Variants in IQSEC1 observed in about 807,000 individuals in gnomAD.
IQSEC1 encodes IQ motif and Sec7 domain ArfGEF 1.
IQSEC1 carries 31 observed loss-of-function variants against 91.0 expected under a neutral mutation model. The observed-to-expected ratio is 0.34, with a 90% CI of 0.26 to 0.46. The LOEUF (loss-of-function observed/expected upper bound fraction) is 0.46, where lower values mean the gene tolerates loss of function less well. IQSEC1 is among the 20% of genes least tolerant of loss of function. The probability of loss-of-function intolerance (pLI) is 1.00; values close to 1 mark genes in which losing one functional copy is unlikely to be tolerated. For missense variants in IQSEC1, 1,388 were observed against 1,575.6 expected, an observed-to-expected ratio of 0.88 and a Z score of 2.02; for synonymous variants, 699 against 662.6, an observed-to-expected ratio of 1.05 and a Z score of -0.84.
At chr3:12,907,872 G>A (rs1046278539) in intron 12 of IQSEC1, among the ~76,000 whole-genome samples, 20 of 152,220 alleles carry the variant, frequency 1.3e-4, no homozygotes, top group African/African-American at 4.8e-5. Flanking sequence ...GACGAGGCCC[G>A]GGTTTCCCAG....
chr3:13,223,979 A>T (rs1694706952), intron 1 of IQSEC1, among the ~76,000 whole-genome samples: 1 of 152,082 alleles, frequency 6.6e-6, no homozygotes, highest in African/African-American at 2.4e-5. Flanking sequence ...GCTCTGAGCC[A>T]GGGGGTTGGG....
At chr3:12,927,229 C>T (rs969659723) in intron 3 of IQSEC1, among the ~76,000 whole-genome samples, 4 of 152,190 alleles carry the variant, frequency 2.6e-5, no homozygotes, top group South Asian at 2.1e-4. Flanking sequence ...AATTCTAGTT[C>T]GTTGCCAGTA....
chr3:13,094,685 G>A (rs1183740992), intron 2 of IQSEC1, among the ~76,000 whole-genome samples: 1 of 152,122 alleles, frequency 6.6e-6, no homozygotes, highest in Non-Finnish European at 1.5e-5. Flanking sequence ...AGTATGGCCT[G>A]TTCCTGGCCA....
chr3:13,092,205 G>A (rs1050877669), intron 2 of IQSEC1, among the ~76,000 whole-genome samples: 1 of 152,216 alleles, frequency 6.6e-6, no homozygotes, highest in Non-Finnish European at 1.5e-5. Flanking sequence ...AGGAGAAGAA[G>A]ACCTTGTGAG....
In IQSEC1 at chr3:13,025,726, C is replaced by T. The variant is rs550218211; in HGVS notation, c.23+47266G>A. On this transcript the variant is annotated intron_variant, in intron 1 of 13. Transcript: ENST00000613206. ...AAATGGGCACACTATACTCGACTCC[C>T]GCCTGGGGAACTGCAGGTGACAGTA... 1.5e-4 allele frequency among the ~76,000 whole-genome samples: 23 copies of T among 152,322 alleles called. No homozygotes were observed. In the South Asian group the frequency reaches 4.1e-3, roughly 27 times the overall value.
Position 12,897,680 on chromosome 3 carries a change from AAGG to A in IQSEC1, c.*3300_*3302del, listed in dbSNP as rs777321540. On this transcript the variant is annotated 3_prime_UTR_variant, in exon 14 of 14. Transcript: ENST00000613206. ...GGCAGGAAGGGTGATGATATTTTAC[AAGG>A]AGAACTGTAAGACTGTGCGTGCTTA... 1 of 152,216 alleles carries A rather than the reference AAGG, an allele frequency of 6.6e-6. No individual in the cohort carries two copies. Among genetic ancestry groups the A allele is most frequent in the East Asian group, 1.9e-4 (1 of 5,200 alleles). The allele number at this position is 152,216 out of a possible 1,614,324, so 9.4% of individuals were successfully genotyped here. A position where few individuals can be genotyped will look rare whatever the true frequency, so the allele number is the denominator to read the frequency against.
intron 1 of IQSEC1, among the ~76,000 whole-genome samples, chr3:13,029,289 G>C (rs1703749848): frequency 6.6e-6 from 1 of 152,176 alleles, no homozygotes; most frequent in African/African-American, 2.4e-5. Context: ...CATCCCATGA[G>C]GTAGGTGCTA....
intron 1 of IQSEC1, among the ~76,000 whole-genome samples, chr3:13,174,476 A>T (rs1693679278): frequency 6.6e-6 from 1 of 152,036 alleles, no homozygotes; most frequent in African/African-American, 2.4e-5. Flanking sequence ...TGGCCTCCCC[A>T]TCTCAGCGGG....
At chr3:13,225,422 G>A (rs17777839) in intron 1 of IQSEC1, among the ~76,000 whole-genome samples, 3,719 of 152,302 alleles carry the variant, frequency 0.024, 86 homozygotes, top group African/African-American at 0.067. Flanking sequence ...GATTGTATGC[G>A]ATTCTGTTAT....
At position 12,920,304 on chromosome 3, in the gene IQSEC1, C is replaced by T. The variant is rs139436887; in HGVS notation, c.2020+126G>A. The T allele has an allele frequency of 7.3e-5, 68 of 937,160 alleles. No homozygotes were observed. In the East Asian group the frequency reaches 1.1e-3, roughly 15 times the overall value. The allele number at this position is 937,160 out of a possible 1,614,324, so 58.1% of individuals were successfully genotyped here. ...TCCCCAAAGGCCCCTCCATGCCAGA[C>T]CCTGGAGTGCCGGAGCACAGCTCCC... is the stretch of plus-strand genomic sequence containing the variant. On this transcript the variant is annotated intron_variant, in intron 6 of 13. Transcript: ENST00000613206.
At chr3:13,238,458 G>A (rs1694969313) in intron 1 of IQSEC1, among the ~76,000 whole-genome samples, 1 of 152,166 alleles carries the variant, frequency 6.6e-6, no homozygotes, top group Non-Finnish European at 1.5e-5. Context: ...ACTCAGCTGT[G>A]GCCTCCTCAG....
chr3:13,142,537 G>C (rs1706818776), intron 2 of IQSEC1, among the ~76,000 whole-genome samples: 1 of 152,170 alleles, frequency 6.6e-6, no homozygotes, highest in African/African-American at 2.4e-5. Context: ...CTGCTGCCCA[G>C]CTCCCTCACC....
intron 13 of IQSEC1, 23 bp downstream of exon 13, chr3:12,902,750 G>A (rs767849883): frequency 4.4e-6 from 7 of 1,580,122 alleles, no homozygotes; most frequent in Non-Finnish European, 6.1e-6. Context: ...ACAGCCAGCT[G>A]GACAGAGGCG....
intron 2 of IQSEC1, among the ~76,000 whole-genome samples, chr3:12,941,083 C>T (rs1262457346): frequency 6.6e-6 from 1 of 152,188 alleles, no homozygotes; most frequent in Non-Finnish European, 1.5e-5. Flanking sequence ...AAGCAGCCTC[C>T]CCTGGCTGGC....
chr3:12,913,584 C>T (rs757807970), intron 8 of IQSEC1, 31 bp from the exon 9 acceptor site: 37 of 1,587,854 alleles, frequency 2.3e-5, no homozygotes, highest in Admixed American at 2.0e-4. Flanking sequence ...CTGCCACGGC[C>T]GCCCAGCTCT....
chr3:12,978,698 C>T lies in IQSEC1; in HGVS notation c.24-36833G>A, dbSNP rs146406025. Among the ~76,000 whole-genome samples, 1,029 of 110,304 alleles carry T rather than the reference C, an allele frequency of 9.3e-3. 15 individuals are homozygous for T. Among genetic ancestry groups the T allele is most frequent in the African/African-American group, 0.037 (972 of 26,132 alleles). The allele number at this position is 110,304 out of a possible 152,430, so 72.4% of individuals were successfully genotyped here. A position where few individuals can be genotyped will look rare whatever the true frequency, so the allele number is the denominator to read the frequency against. ...CCAACCTGGGCAATAGAGCGAGGCT[C>T]AGTCTCAAAAAAAAAAATAAATAAA... On this transcript the variant is annotated intron_variant, in intron 1 of 13. Coordinates refer to ENST00000613206, the MANE Select transcript of IQSEC1 (RefSeq NM_001134382.3).
Position 12,922,713 on chromosome 3 carries a change from G to C in IQSEC1, c.1731-471C>G, listed in dbSNP as rs1163891501. Among the ~76,000 whole-genome samples, 1 of 152,158 alleles carries C rather than the reference G, an allele frequency of 6.6e-6. No homozygotes were observed. The highest frequency in any genetic ancestry group is 1.5e-5 in the Non-Finnish European group (1 of 68,018). ...TGTTCTCTTGTGGGGAGAGTATCGG[G>C]GTGGTGGGCTGGGTTTTGCAGATGC... On this transcript the variant is annotated intron_variant, in intron 4 of 13. Transcript: ENST00000613206. This position sits in a 1 kb window ranked among gnomAD's most constrained non-coding sequence, Gnocchi z 5.1.
intron 1 of IQSEC1, among the ~76,000 whole-genome samples, chr3:12,948,129 G>T (rs776271660): frequency 5.3e-5 from 8 of 152,244 alleles, no homozygotes; most frequent in Non-Finnish European, 2.9e-5. Context: ...CTAAAATTGG[G>T]GTAATTAGTG....
chr3:13,017,669 G>T (rs1307233674), intron 1 of IQSEC1, among the ~76,000 whole-genome samples: 1 of 152,190 alleles, frequency 6.6e-6, no homozygotes, highest in African/African-American at 2.4e-5. Context: ...CACAGAGTAG[G>T]TCTTCATCCC....
Sources: allele counts gnomAD v4.1 joint callset (sites outside exome capture counted in the v4.1 genomes callset), GRCh38; gene constraint gnomAD v4.1.1; non-coding constraint Gnocchi (gnomAD v3.1); transcripts MANE v1.5; gene names NCBI Gene and HGNC (gene_info 2026-07-23, HGNC 2026-07-21).